RAB38: variants seen among roughly 807,000 people sequenced by gnomAD.
RAB38 encodes RAB38, member RAS oncogene family.
A neutral mutation model predicts 18.4 loss-of-function variants in RAB38; 15 were observed. That is an observed-to-expected ratio of 0.82 (90% CI 0.55 to 1.26). RAB38 has a LOEUF of 1.26. RAB38 is among the 50% of genes most tolerant of loss of function. RAB38 has a pLI of 0.00. For missense variants in RAB38, 294 were observed against 267.4 expected, an observed-to-expected ratio of 1.10 and a Z score of -0.69; for synonymous variants, 101 against 104.4, an observed-to-expected ratio of 0.97 and a Z score of 0.20.
At chr11:87,914,194 AAG>A in the RAB38 span, among the ~76,000 whole-genome samples, 1 of 152,138 alleles carries the variant, frequency 6.6e-6, no homozygotes, top group Non-Finnish European at 1.5e-5. Flanking sequence ...ACACAAAAAA[AAG>A]AGGGAAAATT....
the RAB38 span, among the ~76,000 whole-genome samples, chr11:88,077,020 AAAG>A: frequency 5.9e-5 from 7 of 118,690 alleles, no homozygotes; most frequent in Non-Finnish European, 9.7e-5. Context: ...AAAGAAAAGA[AAAG>A]AAAAGAAAGA....
the RAB38 span, among the ~76,000 whole-genome samples, chr11:88,107,241 C>T: frequency 4.6e-5 from 7 of 151,978 alleles, no homozygotes; most frequent in Non-Finnish European, 8.8e-5. Flanking sequence ...GAACATTTTT[C>T]TCATCCCCCA....
At chr11:88,141,351 A>C (rs111868998) in intron 2 of RAB38, among the ~76,000 whole-genome samples, 1 of 152,114 alleles carries the variant, frequency 6.6e-6, no homozygotes, top group Non-Finnish European at 1.5e-5. Context: ...GGGTAGAAAC[A>C]AGGAATGATT....
the RAB38 span, among the ~76,000 whole-genome samples, chr11:87,833,217 C>G: frequency 1.9e-4 from 29 of 152,334 alleles, no homozygotes; most frequent in East Asian, 4.6e-3. Context: ...ACCTGTGGCA[C>G]TGACATCTTT....
chr11:87,927,687 C>A, the RAB38 span, among the ~76,000 whole-genome samples: 2 of 151,946 alleles, frequency 1.3e-5, no homozygotes, highest in Non-Finnish European at 2.9e-5. Flanking sequence ...CTTCAAATCC[C>A]TTTCTGCCTC....
chr11:88,096,796 TTTTTAA>T, the RAB38 span, among the ~76,000 whole-genome samples: 1 of 151,828 alleles, frequency 6.6e-6, no homozygotes, highest in African/African-American at 2.4e-5. Context: ...TCACACTATA[TTTTTAA>T]ATTTTAAAAA....
At chr11:88,131,099 T>C (rs181145675) in intron 2 of RAB38, among the ~76,000 whole-genome samples, 43 of 152,174 alleles carry the variant, frequency 2.8e-4, no homozygotes, top group African/African-American at 1.0e-3. Context: ...TTTAAAATAG[T>C]AAAAACTAAA....
At chr11:88,146,254 C>G (rs1401303642) in intron 2 of RAB38, among the ~76,000 whole-genome samples, 2 of 152,124 alleles carry the variant, frequency 1.3e-5, no homozygotes, top group Non-Finnish European at 2.9e-5. Context: ...ACTAACTCAT[C>G]TAAAATCCTG....
chr11:88,142,607 G>A (rs748970749), intron 2 of RAB38, among the ~76,000 whole-genome samples: 3 of 152,226 alleles, frequency 2.0e-5, no homozygotes, highest in Non-Finnish European at 4.4e-5. Context: ...TGGGGGCAGA[G>A]TATCAGAATC....
chr11:87,906,587 A>G, the RAB38 span, among the ~76,000 whole-genome samples: 1 of 151,962 alleles, frequency 6.6e-6, no homozygotes, highest in African/African-American at 2.4e-5. Context: ...AAGTATTTTC[A>G]TTATAAAAAC....
chr11:87,944,989 ACT>A, the RAB38 span, among the ~76,000 whole-genome samples: 1 of 152,038 alleles, frequency 6.6e-6, no homozygotes, highest in Non-Finnish European at 1.5e-5. Flanking sequence ...TGCTTTAATG[ACT>A]CTCTTCTTTT....
At chr11:88,042,733 C>G in the RAB38 span, among the ~76,000 whole-genome samples, 51 of 152,154 alleles carry the variant, frequency 3.4e-4, no homozygotes, top group Non-Finnish European at 6.3e-4. Context: ...GTGCAGAGAC[C>G]TCATGGGAAG....
the RAB38 span, among the ~76,000 whole-genome samples, chr11:87,895,589 A>G: frequency 6.6e-6 from 1 of 151,842 alleles, no homozygotes; most frequent in East Asian, 2.0e-4. Context: ...AGGCAAATTT[A>G]TAGTTAATTA....
chr11:87,856,686 G>C, the RAB38 span, among the ~76,000 whole-genome samples: 1 of 151,912 alleles, frequency 6.6e-6, no homozygotes, highest in Admixed American at 6.6e-5. Context: ...GAGAACCACT[G>C]CTTCTTCTTC....
the RAB38 span, among the ~76,000 whole-genome samples, chr11:87,958,591 G>A: frequency 6.6e-6 from 1 of 152,062 alleles, no homozygotes; most frequent in South Asian, 2.1e-4. Flanking sequence ...CTTTTGTGAG[G>A]GAAGGAAGTA....
chr11:88,031,471 G>T, the RAB38 span, among the ~76,000 whole-genome samples: 14 of 151,814 alleles, frequency 9.2e-5, no homozygotes, highest in East Asian at 7.8e-4. Flanking sequence ...ACTGTATATC[G>T]AGAAAACCCC....
chr11:88,013,928 A>G, the RAB38 span, among the ~76,000 whole-genome samples: 1 of 152,116 alleles, frequency 6.6e-6, no homozygotes, highest in South Asian at 2.1e-4. Context: ...TGCTCAATAA[A>G]TAATACCAGA....
chr11:88,005,475 T>C, the RAB38 span, among the ~76,000 whole-genome samples: 1 of 151,452 alleles, frequency 6.6e-6, no homozygotes, highest in Non-Finnish European at 1.5e-5. Context: ...TCAAACTACA[T>C]ATAGAAATTG....
chr11:87,830,950 C>T, the RAB38 span, among the ~76,000 whole-genome samples: 158 of 152,084 alleles, frequency 1.0e-3, no homozygotes, highest in African/African-American at 3.7e-3. Flanking sequence ...AGGCATGTGC[C>T]AATCTGCCTG....
Sources: gnomAD v4.1 joint callset for allele counts (sites outside exome capture counted in the v4.1 genomes callset) on GRCh38, gnomAD v4.1.1 for gene constraint, MANE v1.5 for transcripts, NCBI Gene and HGNC (gene_info 2026-07-23, HGNC 2026-07-21) for gene names.